RANBP2: variants seen among roughly 807,000 people sequenced by gnomAD.
The protein encoded by RANBP2 is E3 SUMO-protein ligase RanBP2.
RANBP2 carries 57 observed loss-of-function variants against 303.6 expected under a neutral mutation model. That is an observed-to-expected ratio of 0.19 (90% CI 0.15 to 0.23). The LOEUF (loss-of-function observed/expected upper bound fraction) is 0.23. Among genes scored for constraint, RANBP2 ranks in the 10% least tolerant of loss-of-function variants. The pLI is 1.00. For synonymous variants in RANBP2, 1,167 were observed against 1,301.5 expected (o/e 0.90, Z 2.23); for missense variants, 3,138 against 3,780.8 (o/e 0.83, Z 4.46).
At position 108,784,536 on chromosome 2, in the gene RANBP2, A is replaced by AT; in HGVS notation, c.*639dup. ...TCATAGATATTCGATTAATTTTTACATTTTAAACAAGTTGACTATTTCCTT... is the reference window on the plus strand; with the variant it reads ...TCATAGATATTCGATTAATTTTTACATTTTTAAACAAGTTGACTATTTCCTT... On this transcript the variant is annotated 3_prime_UTR_variant, in exon 29 of 29. Transcript: ENST00000283195. The AT allele has an allele frequency of 6.5e-6, 1 of 152,738 alleles. No individual in the cohort carries two copies. The highest frequency in any genetic ancestry group is 3.4e-3 in the Middle Eastern group (1 of 294). 9.5% of individuals were successfully genotyped at this position (152,738 alleles called of 1,614,324 possible).
the RANBP2 span, among the ~76,000 whole-genome samples, chr2:109,323,342 C>T: frequency 6.6e-6 from 1 of 152,164 alleles, no homozygotes; most frequent in Admixed American, 6.5e-5. Flanking sequence ...GAAGAAGATA[C>T]CTGTATGACT....
At chr2:109,046,260 T>C in the RANBP2 span, among the ~76,000 whole-genome samples, 1 of 145,300 alleles carries the variant, frequency 6.9e-6, no homozygotes. Flanking sequence ...CCCAAGATTG[T>C]GCCACTGCAC....
the RANBP2 span, among the ~76,000 whole-genome samples, chr2:109,670,622 C>T: frequency 6.6e-6 from 1 of 152,152 alleles, no homozygotes; most frequent in African/African-American, 2.4e-5. Flanking sequence ...ACTCTAGAGG[C>T]TGACCTCGTT....
At chr2:109,004,566 G>C in the RANBP2 span, among the ~76,000 whole-genome samples, 1 of 152,194 alleles carries the variant, frequency 6.6e-6, no homozygotes, top group East Asian at 1.9e-4. Flanking sequence ...AGAGTTGGGG[G>C]CACAGGAGTG....
At chr2:109,568,817 G>GCC in the RANBP2 span, among the ~76,000 whole-genome samples, 1 of 152,114 alleles carries the variant, frequency 6.6e-6, no homozygotes, top group Admixed American at 6.6e-5. Flanking sequence ...GTGCCCCACT[G>GCC]TCACAGACTT....
At chr2:109,347,552 ACTCTGTATGCAC>A in the RANBP2 span, 1 of 1,319,074 alleles carries the variant, frequency 7.6e-7, no homozygotes, top group Non-Finnish European at 1.0e-6. Flanking sequence ...CTTGCGGGGC[ACTCTGTATGCAC>A]CCCCAGGACA....
the RANBP2 span, among the ~76,000 whole-genome samples, chr2:108,852,142 A>G: frequency 7.9e-4 from 121 of 152,350 alleles, no homozygotes; most frequent in African/African-American, 2.8e-3. Context: ...AGTTCATGAG[A>G]TGTCAATATT....
the RANBP2 span, among the ~76,000 whole-genome samples, chr2:109,707,014 T>C: frequency 6.6e-6 from 1 of 152,204 alleles, no homozygotes; most frequent in Admixed American, 6.5e-5. Flanking sequence ...ACAGTACAAC[T>C]GCCAGGAGAG....
At chr2:109,677,103 C>A in the RANBP2 span, among the ~76,000 whole-genome samples, 3 of 152,166 alleles carry the variant, frequency 2.0e-5, no homozygotes, top group Admixed American at 1.3e-4. Flanking sequence ...GGAGCCCTCT[C>A]ATCAGCACCT....
the RANBP2 span, among the ~76,000 whole-genome samples, chr2:108,960,653 T>C: frequency 6.6e-6 from 1 of 152,164 alleles, no homozygotes. Flanking sequence ...TGTAAAGAAG[T>C]TTTCAAACAT....
At chr2:109,429,535 G>A in the RANBP2 span, among the ~76,000 whole-genome samples, 2 of 152,094 alleles carry the variant, frequency 1.3e-5, no homozygotes, top group Non-Finnish European at 2.9e-5. Context: ...TGGCCACACC[G>A]GGCCTGTGCT....
At chr2:109,541,074 G>C in the RANBP2 span, among the ~76,000 whole-genome samples, 1 of 152,076 alleles carries the variant, frequency 6.6e-6, no homozygotes, top group African/African-American at 2.4e-5. Context: ...ACTTTTTTCT[G>C]TATTGGCATT....
chr2:109,643,249 A>G, the RANBP2 span, among the ~76,000 whole-genome samples: 24 of 152,168 alleles, frequency 1.6e-4, no homozygotes, highest in African/African-American at 5.6e-4. Flanking sequence ...ACTAGTACAT[A>G]AATGTTCCAT....
the RANBP2 span, among the ~76,000 whole-genome samples, chr2:109,161,940 G>A: frequency 6.6e-6 from 1 of 152,024 alleles, no homozygotes; most frequent in East Asian, 1.9e-4. Context: ...CCTGGGGAGG[G>A]GAGGGTTGGG....
the RANBP2 span, among the ~76,000 whole-genome samples, chr2:109,663,100 ACTTG>A: frequency 6.6e-6 from 1 of 152,056 alleles, no homozygotes; most frequent in South Asian, 2.1e-4. Flanking sequence ...CCTCTCCCAC[ACTTG>A]GACAACTAGC....
At chr2:109,429,927 C>T in the RANBP2 span, among the ~76,000 whole-genome samples, 3 of 147,872 alleles carry the variant, frequency 2.0e-5, no homozygotes, top group South Asian at 2.1e-4. Context: ...CCCCAGTCAG[C>T]GGGTGTAGCC....
chr2:109,497,746 T>C, the RANBP2 span, among the ~76,000 whole-genome samples: 1 of 152,248 alleles, frequency 6.6e-6, no homozygotes. Context: ...CCCACATCCA[T>C]CTGGGCTCAT....
At chr2:109,171,958 C>T in the RANBP2 span, among the ~76,000 whole-genome samples, 2 of 152,218 alleles carry the variant, frequency 1.3e-5, no homozygotes, top group African/African-American at 4.8e-5. Flanking sequence ...CTGTGGTGAG[C>T]TTGTTTATTT....
chr2:109,554,096 G>A, the RANBP2 span, among the ~76,000 whole-genome samples: 1 of 152,084 alleles, frequency 6.6e-6, no homozygotes, highest in Non-Finnish European at 1.5e-5. Flanking sequence ...TGAAATAAAT[G>A]TTAGCTATAT....
Sources: allele counts gnomAD v4.1 joint callset (sites outside exome capture counted in the v4.1 genomes callset), GRCh38; gene constraint gnomAD v4.1.1; transcripts MANE v1.5; gene names NCBI Gene and HGNC (gene_info 2026-07-23, HGNC 2026-07-21).